The following ERI3 variants were observed in gnomAD, a reference collection of about 807,000 sequenced individuals.
The protein encoded by ERI3 is ERI1 exoribonuclease family member 3.
Under a neutral mutation model 44.4 loss-of-function variants are expected in ERI3, and 18 were observed. That is an observed-to-expected ratio of 0.41 (90% CI 0.28 to 0.60). ERI3 has a LOEUF of 0.60. Among genes scored for constraint, ERI3 ranks in the 20% least tolerant of loss-of-function variants. ERI3 has a pLI of 0.36. For synonymous variants in ERI3, 183 were observed against 164.8 expected, an observed-to-expected ratio of 1.11 and a Z score of -0.84; for missense variants, 294 against 435.5, an observed-to-expected ratio of 0.68 and a Z score of 2.89.
intron 7 of ERI3, among the ~76,000 whole-genome samples, chr1:44,276,986 T>C (rs758151457): frequency 6.6e-6 from 1 of 152,220 alleles, no homozygotes; most frequent in Admixed American, 6.5e-5. Flanking sequence ...CAACACTGCA[T>C]AGAAATCCTA....
At chr1:44,232,372 CTA>C (rs1168036118) in intron 8 of ERI3, among the ~76,000 whole-genome samples, 1 of 152,004 alleles carries the variant, frequency 6.6e-6, no homozygotes, top group African/African-American at 2.4e-5. Context: ...AGGACACAGG[CTA>C]TGTTAGGAAA....
chr1:44,240,679 T>C (rs920436332), intron 8 of ERI3, among the ~76,000 whole-genome samples: 1 of 152,176 alleles, frequency 6.6e-6, no homozygotes, highest in Non-Finnish European at 1.5e-5. Context: ...TACTAATACC[T>C]GGCCCTCAGC....
rs77203648 is a variant in ERI3 at position 44,228,386 on chromosome 1, C to G, written c.932-6746G>C. Reference sequence around the variant, plus strand: ...TAATAAGCGCGCTCCAAATAATTAGCGTGTTTTACGTAATAATGAAATTAC... The same window carrying G: ...TAATAAGCGCGCTCCAAATAATTAGGGTGTTTTACGTAATAATGAAATTAC... On this transcript the variant is annotated intron_variant, in intron 8 of 8. Transcript: ENST00000372257. The surrounding 1 kb of genome is among the most constrained non-coding windows in gnomAD (Gnocchi z 4.3). 8.5e-5 allele frequency among the ~76,000 whole-genome samples: 13 copies of G among 152,280 alleles called. No individual in the cohort carries two copies. The highest frequency in any genetic ancestry group is 3.1e-4 in the African/African-American group (13 of 41,554).
intron 8 of ERI3, among the ~76,000 whole-genome samples, chr1:44,244,459 G>A (rs1314920698): frequency 6.6e-6 from 1 of 152,196 alleles, no homozygotes; most frequent in Non-Finnish European, 1.5e-5. Flanking sequence ...CCATTTGTGA[G>A]CTCTGTGGTG....
At chr1:44,267,541 GGCA>G (rs1477670810) in intron 7 of ERI3, among the ~76,000 whole-genome samples, 1 of 152,204 alleles carries the variant, frequency 6.6e-6, no homozygotes, top group Non-Finnish European at 1.5e-5. Context: ...ACTCCCCATA[GGCA>G]GCTCAGCAAT....
chr1:44,223,263 C>G (rs1309393901), intron 8 of ERI3, among the ~76,000 whole-genome samples: 3 of 152,142 alleles, frequency 2.0e-5, no homozygotes, highest in Non-Finnish European at 2.9e-5. Flanking sequence ...CCCCGCTCAG[C>G]TGAGGCCCCA....
intron 4 of ERI3, among the ~76,000 whole-genome samples, chr1:44,319,383 C>T (rs570580408): frequency 4.6e-5 from 7 of 152,308 alleles, no homozygotes; most frequent in Non-Finnish European, 7.4e-5. Flanking sequence ...CTCCAAGTGC[C>T]GGTCACCAGG....
rs1316411499 is a variant in ERI3 at position 44,223,999 on chromosome 1, C to T, written c.932-2359G>A. ...TCCAAGCTGCTGCTTACCCCTCACCCTGCTATGTTCTCCATCCCAGTGAAT... is the reference window on the plus strand; with the variant it reads ...TCCAAGCTGCTGCTTACCCCTCACCTTGCTATGTTCTCCATCCCAGTGAAT... On this transcript the variant is annotated intron_variant, in intron 8 of 8. Coordinates refer to ENST00000372257, the MANE Select transcript of ERI3 (RefSeq NM_024066.3). Among the ~76,000 whole-genome samples the T allele has an allele frequency of 2.0e-5, 3 of 152,232 alleles. No individual in the cohort carries two copies. In the East Asian group the frequency reaches 5.8e-4, roughly 29 times the overall value.
At chr1:44,342,912 T>C (rs1646714617) in intron 2 of ERI3, among the ~76,000 whole-genome samples, 1 of 125,084 alleles carries the variant, frequency 8.0e-6, no homozygotes, top group Non-Finnish European at 1.6e-5. Context: ...TCTCACTACG[T>C]TGCCCAGGCT....
chr1:44,259,625 T>G (rs1644846601), intron 7 of ERI3, among the ~76,000 whole-genome samples: 1 of 150,944 alleles, frequency 6.6e-6, no homozygotes. Flanking sequence ...GAGGACTAAT[T>G]GAACCCAGGA....
At chr1:44,308,055 G>A (rs325143) in intron 6 of ERI3, among the ~76,000 whole-genome samples, 86,352 of 151,946 alleles carry the variant, frequency 0.57, 26,355 homozygotes, top group East Asian at 0.74. Context: ...CCCAGCAATC[G>A]GAAGGGCTGT....
At chr1:44,308,229 A>T in intron 6 of ERI3, 81 bp downstream of exon 6, 1 of 965,800 alleles carries the variant, frequency 1.0e-6, no homozygotes, top group Non-Finnish European at 1.7e-6. Flanking sequence ...GCTGCCTTGT[A>T]GACATTTAAG....
Position 44,355,171 on chromosome 1 carries a change from A to C in ERI3, c.-145T>G. The C allele has an allele frequency of 5.8e-6, 7 of 1,199,718 alleles. No individual in the cohort carries two copies. The highest frequency in any genetic ancestry group is 7.2e-6 in the Non-Finnish European group (7 of 966,232). The allele number at this position is 1,199,718 out of a possible 1,614,324, so 74.3% of individuals were successfully genotyped here. ...ACTGCGGCGCCGGCCAGGCAGAGGC[A>C]GGGCCAGCTCCGCCCGCTCCCCACC... On this transcript the variant is annotated 5_prime_UTR_variant, in exon 1 of 9. Transcript: ENST00000372257.
chr1:44,236,711 A>G (rs1644313420), intron 8 of ERI3, among the ~76,000 whole-genome samples: 2 of 152,122 alleles, frequency 1.3e-5, no homozygotes, highest in Admixed American at 6.5e-5. Flanking sequence ...AGGGCAGCAG[A>G]GGACAGAGGC....
intron 7 of ERI3, among the ~76,000 whole-genome samples, chr1:44,262,747 G>A (rs1051071837): frequency 6.6e-6 from 1 of 152,212 alleles, no homozygotes; most frequent in African/African-American, 2.4e-5. Flanking sequence ...AGACCTAAGC[G>A]GACCTTCAGC....
intron 7 of ERI3, among the ~76,000 whole-genome samples, chr1:44,255,377 C>T (rs556792959): frequency 5.1e-4 from 77 of 152,320 alleles, no homozygotes; most frequent in Non-Finnish European, 8.1e-4. Context: ...TCTTGACACT[C>T]TACTCAGTTT....
chr1:44,286,502 C>T (rs542325024), intron 6 of ERI3, among the ~76,000 whole-genome samples: 1 of 151,998 alleles, frequency 6.6e-6, no homozygotes, highest in Non-Finnish European at 1.5e-5. Flanking sequence ...TAATCATTAA[C>T]CTAAGTAAAA....
In ERI3 at chr1:44,339,301, G is replaced by T; in HGVS notation, c.233C>A (p.Ser78Ter). ...TCCAGTCTGTAAAGGTGCTAGCATT[G>T]AACATCCAGAAGCATCTAAAACTTA... Reference protein sequence around the residue: ...VRRVLDASGCSMLAPLQTGAA... With the variant: ...VRRVLDASGC The change falls in exon 3 of 9, where the codon TCA becomes TAA. Residue 78 changes from serine to a stop codon, truncating the protein, a stop_gained. Coordinates refer to ENST00000372257, the MANE Select transcript of ERI3 (RefSeq NM_024066.3). LOFTEE classifies it high-confidence loss of function. The T allele has an allele frequency of 7.1e-7, 1 of 1,399,466 alleles. No homozygotes were observed. Among genetic ancestry groups the T allele is most frequent in the South Asian group, 1.3e-5 (1 of 74,850 alleles). The allele number at this position is 1,399,466 out of a possible 1,614,324, so 86.7% of individuals were successfully genotyped here. A position where few individuals can be genotyped will look rare whatever the true frequency, so the allele number is the denominator to read the frequency against.
chr1:44,259,088 T>C (rs1373966588), intron 7 of ERI3, among the ~76,000 whole-genome samples: 1 of 152,202 alleles, frequency 6.6e-6, no homozygotes, highest in Admixed American at 6.5e-5. Context: ...TATGCACATA[T>C]ATAGCAACAG....
Sources: gnomAD v4.1 joint callset for allele counts (sites outside exome capture counted in the v4.1 genomes callset) on GRCh38, gnomAD v4.1.1 for gene constraint, Gnocchi (gnomAD v3.1) non-coding constraint, MANE v1.5 for transcripts, NCBI Gene and HGNC (gene_info 2026-07-23, HGNC 2026-07-21) for gene names.